SLC24A4: variants seen among roughly 807,000 people sequenced by gnomAD.
The protein encoded by SLC24A4 is solute carrier family 24 member 4.
In SLC24A4, 53 loss-of-function variants were observed where a neutral mutation model predicts 79.0. The observed-to-expected ratio is 0.67, with a 90% CI of 0.54 to 0.84. SLC24A4 has a LOEUF of 0.84. Among genes scored for constraint, SLC24A4 ranks in the 40% least tolerant of loss-of-function variants. The probability of loss-of-function intolerance (pLI) is 0.00; values close to 1 mark genes in which losing one functional copy is unlikely to be tolerated. For synonymous variants in SLC24A4, 323 were observed against 323.8 expected (o/e 1.00, Z 0.03); for missense variants, 731 against 822.0 (o/e 0.89, Z 1.35).
intron 2 of SLC24A4, among the ~76,000 whole-genome samples, chr14:92,401,541 G>T (rs1890111803): frequency 6.6e-6 from 1 of 152,262 alleles, no homozygotes; most frequent in South Asian, 2.1e-4. Flanking sequence ...CCCTCCATGT[G>T]CCTAAGAGTC....
intron 2 of SLC24A4, among the ~76,000 whole-genome samples, chr14:92,366,346 C>T (rs1047331234): frequency 5.9e-5 from 9 of 152,300 alleles, no homozygotes; most frequent in African/African-American, 1.2e-4. Context: ...TCCATCCCCT[C>T]GGGCAGAGGA....
At chr14:92,343,641 TCTCTTTCC>T (rs1448008902) in intron 2 of SLC24A4, among the ~76,000 whole-genome samples, 61 of 45,074 alleles carry the variant, frequency 1.4e-3, no homozygotes, top group African/African-American at 3.2e-3. Context: ...TCTTTCTTTC[TCTCTTTCC>T]TTCTTTCCTT....
intron 12 of SLC24A4, 88 bp downstream of exon 12, chr14:92,456,696 C>G (rs1189155994): frequency 7.4e-7 from 1 of 1,347,452 alleles, no homozygotes; most frequent in Non-Finnish European, 1.0e-6. Flanking sequence ...GAGGCATGGA[C>G]TTGTAAGGGC....
At chr14:92,343,636 CTTTCTCTCT>C (rs1886319997) in intron 2 of SLC24A4, among the ~76,000 whole-genome samples, 7 of 142,790 alleles carry the variant, frequency 4.9e-5, no homozygotes, top group Non-Finnish European at 7.7e-5. Flanking sequence ...TTCTTTCTTT[CTTTCTCTCT>C]TTCCTTCTTT....
intron 12 of SLC24A4, among the ~76,000 whole-genome samples, chr14:92,467,111 G>A (rs767532072): frequency 1.3e-5 from 2 of 152,170 alleles, no homozygotes; most frequent in African/African-American, 4.8e-5. Context: ...AGGAAGCAGG[G>A]TCTGTTTGTG....
At chr14:92,462,145 T>A (rs1390970383) in intron 12 of SLC24A4, 1 of 152,250 alleles carries the variant, frequency 6.6e-6, no homozygotes, top group Non-Finnish European at 1.5e-5. Context: ...AAGCTGTGAA[T>A]ACCCTCAAGA....
At chr14:92,333,928 G>A (rs1369686987) in intron 2 of SLC24A4, among the ~76,000 whole-genome samples, 2 of 151,810 alleles carry the variant, frequency 1.3e-5, no homozygotes, top group Admixed American at 1.3e-4. Context: ...TCAGGGGTGG[G>A]CCTCTGTAGA....
intron 2 of SLC24A4, among the ~76,000 whole-genome samples, chr14:92,388,386 C>T (rs1035270121): frequency 6.6e-6 from 1 of 152,198 alleles, no homozygotes; most frequent in African/African-American, 2.4e-5. Context: ...GGAGTGAGGT[C>T]TGTGGTTCTG....
At chr14:92,425,192 A>G (rs1566757173) in intron 2 of SLC24A4, among the ~76,000 whole-genome samples, 1 of 152,374 alleles carries the variant, frequency 6.6e-6, no homozygotes, top group South Asian at 2.1e-4. Context: ...AATCTTCACC[A>G]GAAACCAACC....
At chr14:92,348,405 A>T (rs1377943683) in intron 2 of SLC24A4, among the ~76,000 whole-genome samples, 1 of 152,260 alleles carries the variant, frequency 6.6e-6, no homozygotes, top group Non-Finnish European at 1.5e-5. Context: ...TTTGCGGATC[A>T]TACAGTTTCT....
At chr14:92,474,843 GTATA>G (rs1555374575) in intron 12 of SLC24A4, among the ~76,000 whole-genome samples, 1 of 23,884 alleles carries the variant, frequency 4.2e-5, no homozygotes, top group African/African-American at 9.8e-5. Flanking sequence ...GTGTGTGTGT[GTATA>G]TATATATATA....
intron 2 of SLC24A4, among the ~76,000 whole-genome samples, chr14:92,388,805 G>T (rs1889309102): frequency 6.6e-6 from 1 of 152,180 alleles, no homozygotes; most frequent in Admixed American, 6.5e-5. Flanking sequence ...GGTATTTGAG[G>T]CAAGGGCTTC....
chr14:92,323,961 G>T lies in SLC24A4; in HGVS notation c.130+1G>T. On this transcript the variant is annotated splice_donor_variant, in intron 1 of 16. Transcript: ENST00000532405. LOFTEE classifies it high-confidence loss of function. This position sits in a 1 kb window ranked among gnomAD's most constrained non-coding sequence, Gnocchi z 4.9. The stretch of plus-strand genomic sequence containing the variant: ...GCGTCCGGCCTCTTCGGCAGCTTGG[G>T]TGGGTGCTGGTACGGGTCCCCTCTT... The T allele has an allele frequency of 1.2e-6, 2 of 1,610,212 alleles. No individual in the cohort carries two copies. The highest frequency in any genetic ancestry group is 1.7e-6 in the Non-Finnish European group (2 of 1,179,048).
At chr14:92,465,439 C>A (rs1894048864) in intron 12 of SLC24A4, among the ~76,000 whole-genome samples, 1 of 152,216 alleles carries the variant, frequency 6.6e-6, no homozygotes, top group South Asian at 2.1e-4. Flanking sequence ...TGACATCCTT[C>A]CAGCTCTGGG....
chr14:92,371,167 A>G (rs2004533), intron 2 of SLC24A4, among the ~76,000 whole-genome samples: 132,334 of 152,252 alleles, frequency 0.87, 58,204 homozygotes, highest in Middle Eastern at 0.96. Context: ...AGCCTAAAAA[A>G]ATTGGACTGT....
In SLC24A4 at chr14:92,496,204, A is replaced by C. The variant is rs1446806754; in HGVS notation, c.*2576A>C. The C allele has an allele frequency of 6.5e-6, 1 of 152,680 alleles. No individual in the cohort carries two copies. The highest frequency in any genetic ancestry group is 2.4e-5 in the African/African-American group (1 of 41,464). 9.5% of individuals were successfully genotyped at this position (152,680 alleles called of 1,614,324 possible). Reference sequence around the variant, plus strand: ...ATTTTCTTTTGACTTTAATGTGCCAATGTAACTTCCTTTAAAGGATCTATG... The same window carrying C: ...ATTTTCTTTTGACTTTAATGTGCCACTGTAACTTCCTTTAAAGGATCTATG... On this transcript the variant is annotated 3_prime_UTR_variant, in exon 17 of 17. Coordinates refer to ENST00000532405, the MANE Select transcript of SLC24A4 (RefSeq NM_153646.4).
chr14:92,397,230 A>G (rs1323285857), intron 2 of SLC24A4, among the ~76,000 whole-genome samples: 1 of 152,196 alleles, frequency 6.6e-6, no homozygotes, highest in Non-Finnish European at 1.5e-5. Context: ...TTTGGAATGC[A>G]GAAGTATCTG....
intron 8 of SLC24A4, among the ~76,000 whole-genome samples, 185 bp from the exon 9 acceptor site, chr14:92,447,186 G>A (rs1892842035): frequency 6.6e-6 from 1 of 152,196 alleles, no homozygotes; most frequent in African/African-American, 2.4e-5. Context: ...AACATCAAGA[G>A]GGCTGCTGGT....
intron 2 of SLC24A4, among the ~76,000 whole-genome samples, chr14:92,342,172 T>A (rs1886182672): frequency 6.6e-6 from 1 of 151,672 alleles, no homozygotes; most frequent in Non-Finnish European, 1.5e-5. Flanking sequence ...TCAGAAGGGA[T>A]CCAAGAGATC....
Sources: gnomAD v4.1 joint callset for allele counts (sites outside exome capture counted in the v4.1 genomes callset) on GRCh38, gnomAD v4.1.1 for gene constraint, Gnocchi (gnomAD v3.1) non-coding constraint, MANE v1.5 for transcripts, NCBI Gene and HGNC (gene_info 2026-07-23, HGNC 2026-07-21) for gene names.